MILR1: variants seen among roughly 807,000 people sequenced by gnomAD.
MILR1 encodes mast cell immunoglobulin like receptor 1.
Under a neutral mutation model 18.5 loss-of-function variants are expected in MILR1, and 31 were observed. That is an observed-to-expected ratio of 1.68 (90% confidence interval 1.26 to 2.26). The LOEUF is 2.26. Among genes scored for constraint, MILR1 ranks in the 30% most tolerant of loss-of-function variants. The pLI is 0.00. For missense variants in MILR1, 257 were observed against 157.4 expected, an observed-to-expected ratio of 1.63 and a Z score of -3.38; for synonymous variants, 85 against 56.2, an observed-to-expected ratio of 1.51 and a Z score of -2.30.
the MILR1 span, among the ~76,000 whole-genome samples, chr17:64,479,081 G>A: frequency 4.0e-5 from 6 of 151,722 alleles, no homozygotes; most frequent in African/African-American, 1.5e-4. Context: ...AACCTGAGAG[G>A]ACAAGAAAGT....
At chr17:64,497,106 C>G in the MILR1 span, 3 of 864,112 alleles carry the variant, frequency 3.5e-6, no homozygotes, top group East Asian at 2.6e-5. Flanking sequence ...CAGGCCCCAC[C>G]CCGGAAGCGC....
chr17:64,493,823 A>T, the MILR1 span, among the ~76,000 whole-genome samples: 1 of 152,192 alleles, frequency 6.6e-6, no homozygotes, highest in Non-Finnish European at 1.5e-5. Context: ...AAAAAATAAT[A>T]AACATCCATA....
the MILR1 span, among the ~76,000 whole-genome samples, chr17:64,482,546 T>C: frequency 6.6e-6 from 1 of 152,094 alleles, no homozygotes; most frequent in Non-Finnish European, 1.5e-5. Flanking sequence ...TCTCGATCTC[T>C]TGACCTCGTG....
chr17:64,461,243 A>T (rs2037425772), intron 5 of MILR1, among the ~76,000 whole-genome samples: 1 of 151,762 alleles, frequency 6.6e-6, no homozygotes, highest in African/African-American at 2.4e-5. Flanking sequence ...GTATTTGTTT[A>T]TTTATTTATT....
chr17:64,465,892 AG>A (rs1299424519), intron 6 of MILR1, among the ~76,000 whole-genome samples: 3 of 152,136 alleles, frequency 2.0e-5, no homozygotes, highest in African/African-American at 7.2e-5. Context: ...CTCTCAAAGC[AG>A]GCATTGCATA....
the MILR1 span, among the ~76,000 whole-genome samples, chr17:64,480,902 C>G: frequency 6.6e-6 from 1 of 152,300 alleles, no homozygotes; most frequent in South Asian, 2.1e-4. Context: ...CAACCCATTT[C>G]ACTGGAATGC....
intron 9 of MILR1, 109 bp downstream of exon 9, chr17:64,467,754 CA>C: frequency 3.3e-6 from 2 of 600,514 alleles, no homozygotes; most frequent in Non-Finnish European, 5.9e-6. Context: ...GCCAACATGG[CA>C]AAAACCCCAT....
intron 2 of MILR1, among the ~76,000 whole-genome samples, chr17:64,450,525 G>T (rs1343852278): frequency 1.3e-5 from 2 of 152,036 alleles, no homozygotes; most frequent in Non-Finnish European, 2.9e-5. Flanking sequence ...TGTTGCCCAG[G>T]CTGGAGTACA....
downstream of MILR1, among the ~76,000 whole-genome samples, chr17:64,471,442 G>A (rs377331641): frequency 6.6e-6 from 1 of 152,258 alleles, no homozygotes; most frequent in South Asian, 2.1e-4. Context: ...ATTCCAAGCA[G>A]GCTTACCTCA....
downstream of MILR1, among the ~76,000 whole-genome samples, chr17:64,471,991 A>T (rs1030952689): frequency 3.3e-5 from 5 of 152,188 alleles, no homozygotes; most frequent in Admixed American, 6.5e-5. Flanking sequence ...CAACAAAATT[A>T]ATTCTGATAG....
the MILR1 span, among the ~76,000 whole-genome samples, chr17:64,488,037 A>G: frequency 1.3e-5 from 2 of 152,182 alleles, no homozygotes; most frequent in Non-Finnish European, 2.9e-5. Flanking sequence ...ATATTTGGAC[A>G]TTAACCATAA....
the MILR1 span, among the ~76,000 whole-genome samples, chr17:64,475,058 A>G: frequency 6.6e-6 from 1 of 151,794 alleles, no homozygotes; most frequent in Non-Finnish European, 1.5e-5. Context: ...GTGTGGTAGC[A>G]GGCGCCTGTA....
At chr17:64,454,346 C>T (rs923277183) in intron 3 of MILR1, among the ~76,000 whole-genome samples, 3 of 152,232 alleles carry the variant, frequency 2.0e-5, no homozygotes, top group African/African-American at 7.2e-5. Flanking sequence ...CCCACCTCAG[C>T]ATCCTGAATA....
At chr17:64,476,155 CAGG>C in the MILR1 span, among the ~76,000 whole-genome samples, 1 of 152,030 alleles carries the variant, frequency 6.6e-6, no homozygotes, top group East Asian at 1.9e-4. Flanking sequence ...TTGTTTTAAA[CAGG>C]AGAATTATAA....
At chr17:64,496,289 GAACT>G in the MILR1 span, 110 of 694,048 alleles carry the variant, frequency 1.6e-4, no homozygotes, top group East Asian at 1.3e-3. Flanking sequence ...AAAAAGATGA[GAACT>G]AACTAACTTC....
intron 4 of MILR1, among the ~76,000 whole-genome samples, chr17:64,458,420 C>T (rs2037351675): frequency 6.6e-6 from 1 of 151,856 alleles, no homozygotes; most frequent in Admixed American, 6.6e-5. Context: ...ACCATGTTGG[C>T]CAGACTGGTC....
intron 2 of MILR1, among the ~76,000 whole-genome samples, chr17:64,451,674 C>T (rs1360669549): frequency 6.6e-6 from 1 of 152,020 alleles, no homozygotes; most frequent in Non-Finnish European, 1.5e-5. Flanking sequence ...TGACTCACAC[C>T]TGTAATCCCG....
the MILR1 span, among the ~76,000 whole-genome samples, chr17:64,477,610 C>A: frequency 6.6e-6 from 1 of 152,142 alleles, no homozygotes; most frequent in Non-Finnish European, 1.5e-5. Context: ...GAAAAACAAA[C>A]CCCAATTTGC....
chr17:64,481,351 G>A, the MILR1 span: 2 of 985,080 alleles, frequency 2.0e-6, no homozygotes, highest in Non-Finnish European at 1.2e-6. Flanking sequence ...GAAAGCTGGG[G>A]GACTCTCAAA....
Sources: gnomAD v4.1 joint callset for allele counts (sites outside exome capture counted in the v4.1 genomes callset) on GRCh38, gnomAD v4.1.1 for gene constraint, MANE v1.5 for transcripts, NCBI Gene and HGNC (gene_info 2026-07-23, HGNC 2026-07-21) for gene names.